Variants in CTNNA3 observed in about 807,000 individuals in gnomAD.
The protein encoded by CTNNA3 is catenin alpha 3.
A neutral mutation model predicts 95.7 loss-of-function variants in CTNNA3; 76 were observed. That is an observed-to-expected ratio of 0.79 (90% CI 0.66 to 0.96). The LOEUF (loss-of-function observed/expected upper bound fraction) is 0.96, where lower values mean the gene tolerates loss of function less well. Among genes scored for constraint, CTNNA3 ranks in the 40% least tolerant of loss-of-function variants. The probability of loss-of-function intolerance (pLI) is 0.00; values close to 1 mark genes in which losing one functional copy is unlikely to be tolerated. For synonymous variants in CTNNA3, 431 were observed against 374.4 expected (o/e 1.15, Z -1.74); for missense variants, 1,191 against 1,089.8 (o/e 1.09, Z -1.31).
At chr10:66,179,639 A>G (rs1314624241) in intron 13 of CTNNA3, among the ~76,000 whole-genome samples, 1 of 152,186 alleles carries the variant, frequency 6.6e-6, no homozygotes, top group East Asian at 1.9e-4. Context: ...AAGGATCTCC[A>G]TAAAGGCAAT....
chr10:67,221,423 C>T (rs1156894645), intron 5 of CTNNA3, among the ~76,000 whole-genome samples: 2 of 152,068 alleles, frequency 1.3e-5, no homozygotes, highest in Non-Finnish European at 2.9e-5. Flanking sequence ...CATTTTAAAA[C>T]TCAAAACACT....
At chr10:66,797,961 T>G (rs185405757) in intron 7 of CTNNA3, among the ~76,000 whole-genome samples, 1 of 151,912 alleles carries the variant, frequency 6.6e-6, no homozygotes, top group African/African-American at 2.4e-5. Context: ...ATTATAAATT[T>G]CTCCATATAT....
chr10:65,920,830 T>A (rs938121172), intron 17 of CTNNA3, among the ~76,000 whole-genome samples: 1 of 151,912 alleles, frequency 6.6e-6, no homozygotes, highest in Non-Finnish European at 1.5e-5. Flanking sequence ...TATAAAAAAA[T>A]AAATAAATAA....
intron 12 of CTNNA3, among the ~76,000 whole-genome samples, chr10:66,296,574 C>T (rs1344157660): frequency 6.8e-6 from 1 of 146,716 alleles, no homozygotes; most frequent in African/African-American, 2.6e-5. Flanking sequence ...TATATATATA[C>T]ACACACACAC....
chr10:66,339,063 G>A (rs1303787981), intron 12 of CTNNA3, among the ~76,000 whole-genome samples: 2 of 151,702 alleles, frequency 1.3e-5, no homozygotes, highest in Non-Finnish European at 3.0e-5. Context: ...CTGTAAAGGC[G>A]ATAATATTAG....
At chr10:66,737,621 C>A (rs1849186958) in intron 9 of CTNNA3, among the ~76,000 whole-genome samples, 1 of 151,676 alleles carries the variant, frequency 6.6e-6, no homozygotes, top group Admixed American at 6.6e-5. Flanking sequence ...CTTCTTCTAG[C>A]ATTTATTATG....
intron 4 of CTNNA3, among the ~76,000 whole-genome samples, chr10:67,523,793 C>T (rs1276268409): frequency 6.6e-6 from 1 of 152,090 alleles, no homozygotes; most frequent in Non-Finnish European, 1.5e-5. Flanking sequence ...TTTTAATGAC[C>T]TTTATATGAA....
intron 7 of CTNNA3, among the ~76,000 whole-genome samples, chr10:66,835,042 A>C (rs1842843752): frequency 6.6e-6 from 1 of 152,214 alleles, no homozygotes; most frequent in South Asian, 2.1e-4. Context: ...CATCTGACAC[A>C]ATAGCAAAGT....
At chr10:66,111,704 G>C (rs2082126311) in intron 13 of CTNNA3, among the ~76,000 whole-genome samples, 1 of 152,150 alleles carries the variant, frequency 6.6e-6, no homozygotes. Context: ...AAAATTTCCT[G>C]GGATGTGTCA....
intron 2 of CTNNA3, among the ~76,000 whole-genome samples, chr10:67,639,028 T>C (rs981040643): frequency 7.9e-5 from 12 of 151,896 alleles, no homozygotes; most frequent in Admixed American, 3.9e-4. Context: ...CTGAAGGAAA[T>C]AGACACATAA....
At chr10:67,649,760 G>T (rs1244860163) in intron 1 of CTNNA3, among the ~76,000 whole-genome samples, 1 of 152,204 alleles carries the variant, frequency 6.6e-6, no homozygotes, top group African/African-American at 2.4e-5. Flanking sequence ...CAAATTTGTA[G>T]ATATAGCAAT....
At chr10:66,770,678 T>TA (rs1418444715) in intron 8 of CTNNA3, among the ~76,000 whole-genome samples, 1 of 151,810 alleles carries the variant, frequency 6.6e-6, no homozygotes, top group Non-Finnish European at 1.5e-5. Context: ...GTGAAAAGTC[T>TA]AAAAAAGCCC....
At chr10:65,971,685 A>G (rs954369147) in intron 16 of CTNNA3, among the ~76,000 whole-genome samples, 10 of 151,938 alleles carry the variant, frequency 6.6e-5, no homozygotes, top group African/African-American at 2.2e-4. Context: ...TAAAACACCC[A>G]CCACCAACAA....
chr10:66,656,281 G>T (rs748978017), intron 9 of CTNNA3, among the ~76,000 whole-genome samples: 1 of 152,064 alleles, frequency 6.6e-6, no homozygotes, highest in Non-Finnish European at 1.5e-5. Context: ...AGCAAATAAC[G>T]ATTGCTTCAA....
intron 5 of CTNNA3, among the ~76,000 whole-genome samples, chr10:67,226,454 A>C (rs1337830008): frequency 6.6e-6 from 1 of 152,200 alleles, no homozygotes; most frequent in African/African-American, 2.4e-5. Context: ...GAAGGAAAGA[A>C]TCTTAAGAGC....
At chr10:66,196,647 C>A (rs1483622399) in intron 13 of CTNNA3, among the ~76,000 whole-genome samples, 10 of 152,214 alleles carry the variant, frequency 6.6e-5, no homozygotes, top group Non-Finnish European at 1.3e-4. Flanking sequence ...AAAACCAAAT[C>A]TCATGTCCTG....
At chr10:66,433,956 T>A (rs1379010366) in intron 11 of CTNNA3, among the ~76,000 whole-genome samples, 1 of 152,182 alleles carries the variant, frequency 6.6e-6, no homozygotes, top group Non-Finnish European at 1.5e-5. Flanking sequence ...TGGCTGTAGA[T>A]GTGTGGTGTT....
chr10:66,684,471 G>A (rs1847176504), intron 9 of CTNNA3, among the ~76,000 whole-genome samples: 1 of 151,996 alleles, frequency 6.6e-6, no homozygotes, highest in South Asian at 2.1e-4. Context: ...CTTTTCTACT[G>A]AGTTTCCTTT....
intron 12 of CTNNA3, among the ~76,000 whole-genome samples, chr10:66,310,133 A>C (rs1399244430): frequency 6.6e-6 from 1 of 151,708 alleles, no homozygotes; most frequent in Non-Finnish European, 1.5e-5. Flanking sequence ...AAAAGAAAAA[A>C]AAAGGCAAAA....
Sources: allele counts gnomAD v4.1 joint callset (sites outside exome capture counted in the v4.1 genomes callset), GRCh38; gene constraint gnomAD v4.1.1; transcripts MANE v1.5; gene names NCBI Gene and HGNC (gene_info 2026-07-23, HGNC 2026-07-21).